PRKCI: variants seen among roughly 807,000 people sequenced by gnomAD.
PRKCI encodes protein kinase C iota, also known as protein kinase C iota type.
Under a neutral mutation model 84.0 loss-of-function variants are expected in PRKCI, and 43 were observed. The ratio of observed to expected loss-of-function variants is 0.51; its 90% CI spans 0.40 to 0.66. The LOEUF (loss-of-function observed/expected upper bound fraction) is 0.66, where lower values mean the gene tolerates loss of function less well. PRKCI is among the 30% of genes least tolerant of loss of function. The probability of loss-of-function intolerance (pLI) is 0.00; values close to 1 mark genes in which losing one functional copy is unlikely to be tolerated. For missense variants in PRKCI, 459 were observed against 745.6 expected (o/e 0.62, Z 4.48); for synonymous variants, 216 against 234.4 (o/e 0.92, Z 0.72).
At chr3:170,302,177 A>C (rs554428777) in intron 17 of PRKCI, among the ~76,000 whole-genome samples, 53 of 152,298 alleles carry the variant, frequency 3.5e-4, no homozygotes, top group African/African-American at 1.3e-3. Flanking sequence ...TTTCTTCAGC[A>C]TCATCTAACA....
chr3:170,282,735 A>G (rs1734281582), intron 11 of PRKCI, among the ~76,000 whole-genome samples: 1 of 150,278 alleles, frequency 6.7e-6, no homozygotes, highest in Non-Finnish European at 1.5e-5. Flanking sequence ...ACTAGTATAT[A>G]CTTCTGACTG....
chr3:170,240,486 G>C (rs1001430478), intron 2 of PRKCI, among the ~76,000 whole-genome samples: 41 of 152,072 alleles, frequency 2.7e-4, no homozygotes, highest in African/African-American at 9.9e-4. Flanking sequence ...TTTCATTAAG[G>C]TCTGTTGATT....
chr3:170,270,270 A>C, intron 5 of PRKCI, 151 bp from the exon 6 acceptor site: 1 of 686,666 alleles, frequency 1.5e-6, no homozygotes, highest in Non-Finnish European at 2.2e-6. Flanking sequence ...TTAAAAAATT[A>C]TGTATGAGGA....
chr3:170,281,115 CATTA>C, intron 9 of PRKCI, 47 bp from the exon 10 acceptor site: 1 of 1,456,716 alleles, frequency 6.9e-7, no homozygotes, highest in Non-Finnish European at 9.6e-7. Context: ...GCAAATTTAT[CATTA>C]ATTGTGATAT....
chr3:170,269,319 C>T (rs138044183), intron 5 of PRKCI, among the ~76,000 whole-genome samples: 77 of 152,300 alleles, frequency 5.1e-4, no homozygotes, highest in Non-Finnish European at 9.4e-4. Context: ...GAAACCACCA[C>T]CCGAAATCCC....
intron 8 of PRKCI, among the ~76,000 whole-genome samples, chr3:170,279,580 T>C (rs898582394): frequency 2.0e-5 from 3 of 152,204 alleles, no homozygotes; most frequent in African/African-American, 7.2e-5. Flanking sequence ...ACATTTGTAG[T>C]TGTGAATGAA....
intron 2 of PRKCI, among the ~76,000 whole-genome samples, chr3:170,246,358 G>A (rs1733285413): frequency 6.6e-6 from 1 of 151,950 alleles, no homozygotes; most frequent in African/African-American, 2.4e-5. Context: ...TTGCCATGTT[G>A]GCCAGGCTGG....
intron 2 of PRKCI, among the ~76,000 whole-genome samples, chr3:170,257,293 C>G (rs535283831): frequency 4.6e-5 from 7 of 152,202 alleles, no homozygotes; most frequent in African/African-American, 1.7e-4. Flanking sequence ...TCAGGGACTG[C>G]AAGAGAGATC....
At chr3:170,232,909 T>C (rs181584004) in intron 1 of PRKCI, among the ~76,000 whole-genome samples, 80 of 152,278 alleles carry the variant, frequency 5.3e-4, no homozygotes, top group African/African-American at 1.9e-3. Flanking sequence ...CTTTATAACA[T>C]TGCTTTTTTA....
intron 4 of PRKCI, among the ~76,000 whole-genome samples, chr3:170,264,421 A>G (rs1458976612): frequency 6.6e-6 from 1 of 152,040 alleles, no homozygotes; most frequent in East Asian, 1.9e-4. Context: ...CTGGGATTAC[A>G]GGCGCCAACA....
intron 4 of PRKCI, 30 bp from the exon 5 acceptor site, chr3:170,267,878 CTCTTTTT>C (rs1376891048): frequency 7.0e-7 from 1 of 1,438,324 alleles, no homozygotes; most frequent in Non-Finnish European, 9.5e-7. Flanking sequence ...CTCAAACTTG[CTCTTTTT>C]TCTTTTTTTA....
chr3:170,265,869 C>T (rs1211037825), intron 4 of PRKCI, among the ~76,000 whole-genome samples: 2 of 152,080 alleles, frequency 1.3e-5, no homozygotes, highest in Admixed American at 1.3e-4. Flanking sequence ...GATCTGCCCA[C>T]CTCGGCCTCC....
chr3:170,298,249 T>C (rs1321476595), intron 16 of PRKCI, among the ~76,000 whole-genome samples: 1 of 152,086 alleles, frequency 6.6e-6, no homozygotes, highest in Non-Finnish European at 1.5e-5. Flanking sequence ...CTTGTTTTTA[T>C]TTTTTTAGGA....
At chr3:170,278,555 C>G (rs569855905) in intron 8 of PRKCI, among the ~76,000 whole-genome samples, 4 of 152,296 alleles carry the variant, frequency 2.6e-5, no homozygotes, top group Admixed American at 6.5e-5. Flanking sequence ...ACTTGGGAGA[C>G]TGAGGCAGGA....
At position 170,303,770 on chromosome 3, in the gene PRKCI, G is replaced by T; in HGVS notation, c.*643G>T. ...CCAGTACTTTGGGAGGTTGAGGCGGGCAGATCACTTGAGGTCAGGAGTTTG... is the reference window on the plus strand; with the variant it reads ...CCAGTACTTTGGGAGGTTGAGGCGGTCAGATCACTTGAGGTCAGGAGTTTG... On this transcript the variant is annotated 3_prime_UTR_variant, in exon 18 of 18. Coordinates refer to ENST00000295797, the MANE Select transcript of PRKCI (RefSeq NM_002740.6). 1 of 198,518 alleles carries T rather than the reference G, an allele frequency of 5.0e-6. No homozygotes were observed. Among genetic ancestry groups the T allele is most frequent in the Non-Finnish European group, 1.0e-5 (1 of 95,884 alleles). 12.3% of individuals were successfully genotyped at this position (198,518 alleles called of 1,614,324 possible). A position where few individuals can be genotyped will look rare whatever the true frequency, so the allele number is the denominator to read the frequency against.
At chr3:170,258,226 G>T (rs1168686965) in intron 2 of PRKCI, among the ~76,000 whole-genome samples, 1 of 151,580 alleles carries the variant, frequency 6.6e-6, no homozygotes, top group African/African-American at 2.4e-5. Context: ...GGCATCTAGT[G>T]TGTAGTAACT....
chr3:170,286,048 C>A (rs1181599969), intron 12 of PRKCI, among the ~76,000 whole-genome samples: 1 of 151,936 alleles, frequency 6.6e-6, no homozygotes, highest in African/African-American at 2.4e-5. Context: ...CCTCAGCCTC[C>A]TGAGTAGCTG....
chr3:170,254,736 T>C (rs1292700567), intron 2 of PRKCI, among the ~76,000 whole-genome samples: 2 of 152,226 alleles, frequency 1.3e-5, no homozygotes, highest in African/African-American at 4.8e-5. Flanking sequence ...GTTTGTAGTA[T>C]AATTTAAAGG....
intron 12 of PRKCI, among the ~76,000 whole-genome samples, chr3:170,286,485 CTTTTT>C (rs34674664): frequency 1.4e-4 from 9 of 65,582 alleles, no homozygotes; most frequent in African/African-American, 4.8e-4. Context: ...AACAATGAGG[CTTTTT>C]TTTTTTTTTT....
Sources: gnomAD v4.1 joint callset for allele counts (sites outside exome capture counted in the v4.1 genomes callset) on GRCh38, gnomAD v4.1.1 for gene constraint, MANE v1.5 for transcripts, NCBI Gene and HGNC (gene_info 2026-07-23, HGNC 2026-07-21) for gene names.